CSMD1: variants seen among roughly 807,000 people sequenced by gnomAD.
CSMD1 encodes CUB and sushi domain-containing protein 1.
CSMD1 carries 213 observed loss-of-function variants against 417.5 expected under a neutral mutation model. The ratio of observed to expected loss-of-function variants is 0.51; its 90% CI spans 0.46 to 0.57. The LOEUF is 0.57. CSMD1 is among the 20% of genes least tolerant of loss of function. CSMD1 has a pLI of 0.00. For missense variants in CSMD1, 6,923 were observed against 4,529.7 expected, an observed-to-expected ratio of 1.53 and a Z score of -15.17; for synonymous variants, 2,862 against 1,736.8, an observed-to-expected ratio of 1.65 and a Z score of -16.11.
chr8:4,558,350 A>G (rs17344322), intron 2 of CSMD1, among the ~76,000 whole-genome samples: 14,921 of 152,194 alleles, frequency 0.098, 847 homozygotes, highest in African/African-American at 0.16. Context: ...AACTCTCCGT[A>G]GTATTATATT....
chr8:4,016,784 T>G (rs1585138057), intron 4 of CSMD1, among the ~76,000 whole-genome samples: 9 of 152,218 alleles, frequency 5.9e-5, no homozygotes, highest in Admixed American at 2.6e-4. Context: ...TGTGTATAGT[T>G]GGGTTTTTTT....
At chr8:4,584,656 G>A (rs1039296761) in intron 2 of CSMD1, among the ~76,000 whole-genome samples, 1 of 152,050 alleles carries the variant, frequency 6.6e-6, no homozygotes, top group African/African-American at 2.4e-5. Context: ...TGACCCTGTG[G>A]CCATGACCGG....
intron 26 of CSMD1, among the ~76,000 whole-genome samples, chr8:3,257,903 G>C (rs1198027862): frequency 6.6e-6 from 1 of 152,092 alleles, no homozygotes; most frequent in African/African-American, 2.4e-5. Context: ...ATGTTACAAG[G>C]GCGTGAAGCT....
intron 7 of CSMD1, among the ~76,000 whole-genome samples, chr8:3,670,604 A>ATATATATGGGGATATATATATTG (rs771999714): frequency 0.15 from 20,690 of 139,940 alleles, 2,093 homozygotes; most frequent in South Asian, 0.2. Flanking sequence ...TATATATTGC[A>ATATATATGGGGATATATATATTG]CATATATATG....
chr8:4,190,955 G>A (rs1179471610), intron 3 of CSMD1, among the ~76,000 whole-genome samples: 1 of 151,842 alleles, frequency 6.6e-6, no homozygotes, highest in Non-Finnish European at 1.5e-5. Context: ...GTGGAGAGTG[G>A]GGGGGGCGGG....
chr8:4,290,223 C>T (rs1156338656), intron 3 of CSMD1, among the ~76,000 whole-genome samples: 1 of 151,608 alleles, frequency 6.6e-6, no homozygotes, highest in African/African-American at 2.4e-5. Context: ...GTATGTGTGT[C>T]TGCAAAAACC....
intron 2 of CSMD1, among the ~76,000 whole-genome samples, chr8:4,472,630 GA>G (rs1800599499): frequency 6.6e-6 from 1 of 151,788 alleles, no homozygotes; most frequent in Admixed American, 6.6e-5. Flanking sequence ...CAAACAATAA[GA>G]AAAATAATTT....
intron 5 of CSMD1, among the ~76,000 whole-genome samples, chr8:3,758,240 A>T (rs1170555014): frequency 1.3e-5 from 2 of 152,232 alleles, no homozygotes; most frequent in Admixed American, 6.5e-5. Context: ...CTAGGGTTAC[A>T]GGCGTGAGCC....
At position 4,372,144 on chromosome 8, in the gene CSMD1, A is replaced by G. The variant is rs989697282; in HGVS notation, c.415+47809T>C. Among the ~76,000 whole-genome samples the G allele has an allele frequency of 2.6e-5, 4 of 152,340 alleles. No individual in the cohort carries two copies. The South Asian group carries it at 6.2e-4, about 24-fold the overall frequency. On this transcript the variant is annotated intron_variant, in intron 3 of 69. Transcript: ENST00000635120. Reference sequence around the variant, plus strand: ...TGAATATTAGCATTTTTCTATGTGCATTTCTCTAACCTTCTACTTGTCCAA... The same window carrying G: ...TGAATATTAGCATTTTTCTATGTGCGTTTCTCTAACCTTCTACTTGTCCAA...
intron 59 of CSMD1, 33 bp from the exon 60 acceptor site, chr8:2,963,428 C>A: frequency 6.2e-7 from 1 of 1,602,022 alleles, no homozygotes; most frequent in Non-Finnish European, 8.5e-7. Context: ...ATCAACATTC[C>A]GGAGCTCCCG....
chr8:3,899,813 T>C (rs1054149518), intron 5 of CSMD1, among the ~76,000 whole-genome samples: 1 of 152,182 alleles, frequency 6.6e-6, no homozygotes, highest in African/African-American at 2.4e-5. Context: ...ATAGCACCCT[T>C]CAGTATGACC....
At chr8:3,910,475 T>G (rs545938109) in intron 5 of CSMD1, among the ~76,000 whole-genome samples, 4 of 152,310 alleles carry the variant, frequency 2.6e-5, no homozygotes, top group South Asian at 4.1e-4. Flanking sequence ...TTTGTTCACT[T>G]TATATTTTGA....
At chr8:4,923,804 A>G (rs1806663573) in intron 1 of CSMD1, among the ~76,000 whole-genome samples, 1 of 152,164 alleles carries the variant, frequency 6.6e-6, no homozygotes, top group Non-Finnish European at 1.5e-5. Flanking sequence ...GTAGAAATAT[A>G]ATAATTCCAA....
chr8:4,700,708 C>T (rs938749539), intron 1 of CSMD1, among the ~76,000 whole-genome samples: 1 of 152,062 alleles, frequency 6.6e-6, no homozygotes, highest in Non-Finnish European at 1.5e-5. Flanking sequence ...TTCAGAAACT[C>T]ACAAAATTAT....
At chr8:3,816,337 C>T (rs1176495659) in intron 5 of CSMD1, among the ~76,000 whole-genome samples, 1 of 152,116 alleles carries the variant, frequency 6.6e-6, no homozygotes, top group African/African-American at 2.4e-5. Context: ...CCACAGTCAA[C>T]CACTGTCAGA....
chr8:3,975,201 A>T (rs1409840433), intron 5 of CSMD1, among the ~76,000 whole-genome samples: 1 of 152,214 alleles, frequency 6.6e-6, no homozygotes, highest in East Asian at 1.9e-4. Context: ...TTACGATGTT[A>T]TTGTTACATA....
chr8:4,463,369 C>G (rs766221807), intron 2 of CSMD1, among the ~76,000 whole-genome samples: 1 of 152,166 alleles, frequency 6.6e-6, no homozygotes, highest in African/African-American at 2.4e-5. Context: ...TTGTAAAATA[C>G]TCCGGAAGTT....
intron 3 of CSMD1, among the ~76,000 whole-genome samples, chr8:4,302,149 T>C (rs1426231413): frequency 6.6e-6 from 1 of 152,212 alleles, no homozygotes. Context: ...AAACAGTTTA[T>C]GGACTTAAGG....
At chr8:3,501,423 G>A (rs1353811820) in intron 10 of CSMD1, among the ~76,000 whole-genome samples, 1 of 152,164 alleles carries the variant, frequency 6.6e-6, no homozygotes, top group Admixed American at 6.6e-5. Context: ...AACTGTGATG[G>A]CAGGCAAATG....
Sources: allele counts gnomAD v4.1 joint callset (sites outside exome capture counted in the v4.1 genomes callset), GRCh38; gene constraint gnomAD v4.1.1; transcripts MANE v1.5; gene names NCBI Gene and HGNC (gene_info 2026-07-23, HGNC 2026-07-21).